The following DDX60 variants were observed in gnomAD, a reference collection of about 807,000 sequenced individuals.
DDX60 encodes the protein DExD/H-box helicase 60, also known as probable ATP-dependent RNA helicase DDX60.
A neutral mutation model predicts 212.8 loss-of-function variants in DDX60; 165 were observed. That is an observed-to-expected ratio of 0.78 (90% CI 0.68 to 0.88). The LOEUF is 0.88. Among genes scored for constraint, DDX60 ranks in the 40% least tolerant of loss-of-function variants. The probability of loss-of-function intolerance (pLI) is 0.00; values close to 1 mark genes in which losing one functional copy is unlikely to be tolerated. For synonymous variants in DDX60, 703 were observed against 685.3 expected (o/e 1.03, Z -0.40); for missense variants, 1,905 against 2,003.9 (o/e 0.95, Z 0.94).
Position 168,306,422 on chromosome 4 carries a change from T to A in DDX60, c.563A>T (p.Tyr188Phe). The A allele has an allele frequency of 6.2e-7, 1 of 1,613,984 alleles. No homozygotes were observed. The highest frequency in any genetic ancestry group is 1.1e-5 in the South Asian group (1 of 91,070). Residue 188 changes from tyrosine to phenylalanine, a missense_variant, in exon 5 of 38, where the codon TAC becomes TTC. Transcript: ENST00000393743. ...GTGTCTGTACATGCTTGGAAGAAGG[T>A]ATGCATAAAGGCAAAGAACATCAGA... ...QESDVLCLYA[Y>F]LLPSMYRHQI... is the part of the protein sequence containing the mutation.
chr4:168,306,771 ATTT>A (rs1363050894), intron 4 of DDX60, 51 bp from the exon 5 acceptor site: 1 of 1,376,508 alleles, frequency 7.3e-7, no homozygotes, highest in Non-Finnish European at 1.0e-6. Flanking sequence ...TCATTTAATC[ATTT>A]AGTTGGCTAA....
chr4:168,261,577 A>C (rs903152877), intron 24 of DDX60, among the ~76,000 whole-genome samples: 3 of 152,238 alleles, frequency 2.0e-5, no homozygotes, highest in Non-Finnish European at 4.4e-5. Context: ...GTAAAGTTTT[A>C]ATACACAAAT....
chr4:168,317,521 A>G (rs1737448905), intron 1 of DDX60, among the ~76,000 whole-genome samples: 1 of 152,080 alleles, frequency 6.6e-6, no homozygotes, highest in African/African-American at 2.4e-5. Context: ...TCTGTATTGG[A>G]ACAGAATGGT....
At chr4:168,285,073 C>G (rs2149529343) in intron 11 of DDX60, 138 bp from the exon 12 acceptor site, 1 of 562,186 alleles carries the variant, frequency 1.8e-6, no homozygotes, top group Non-Finnish European at 3.1e-6. Context: ...AGACTCCAAA[C>G]AGCAGTTTAT....
At chr4:168,222,248 C>G (rs896451714) in intron 35 of DDX60, among the ~76,000 whole-genome samples, 1 of 152,096 alleles carries the variant, frequency 6.6e-6, no homozygotes, top group Non-Finnish European at 1.5e-5. Context: ...TTATACATCA[C>G]AAGAAAGGAA....
intron 8 of DDX60, among the ~76,000 whole-genome samples, chr4:168,288,773 C>A (rs1459883591): frequency 6.6e-6 from 1 of 152,148 alleles, no homozygotes; most frequent in Admixed American, 6.5e-5. Flanking sequence ...CTTAAGATTC[C>A]CATCCACCTA....
chr4:168,249,096 T>C (rs1460302923), intron 28 of DDX60, among the ~76,000 whole-genome samples: 1 of 133,214 alleles, frequency 7.5e-6, no homozygotes, highest in Non-Finnish European at 1.7e-5. Flanking sequence ...AGAAAGAAAA[T>C]TTTTTATGAT....
At chr4:168,285,729 G>C (rs1035974605) in intron 10 of DDX60, among the ~76,000 whole-genome samples, 1 of 151,554 alleles carries the variant, frequency 6.6e-6, no homozygotes, top group African/African-American at 2.4e-5. Context: ...ATATGCATGG[G>C]GGATGGGTGG....
Position 168,306,650 on chromosome 4 carries a change from T to C in DDX60, c.335A>G (p.Gln112Arg), listed in dbSNP as rs779166072. 2 of 1,614,082 alleles carry C rather than the reference T, an allele frequency of 1.2e-6. No individual in the cohort carries two copies. The highest frequency in any genetic ancestry group is 2.2e-5 in the South Asian group (2 of 91,084). ...TCGAACATCAATGGTGGTATTCTTC[T>C]GAAGATGAAGAATTAAAGCAGTTCT... ...SLRTALILHL[Q>R]KNTTIDVRTT... Residue 112 changes from glutamine (Q) to arginine (R), a missense_variant, in exon 5 of 38, where the codon CAG becomes CGG. Physicochemically the swap from Gln to Arg is conservative, Grantham distance 43 (BLOSUM62 1). Coordinates refer to ENST00000393743, the MANE Select transcript of DDX60 (RefSeq NM_017631.6).
chr4:168,230,519 T>G (rs1420828312), intron 33 of DDX60, among the ~76,000 whole-genome samples: 2 of 152,040 alleles, frequency 1.3e-5, no homozygotes, highest in Non-Finnish European at 2.9e-5. Context: ...AAATTGGAAA[T>G]CAACTCCAAA....
intron 8 of DDX60, 110 bp downstream of exon 8, chr4:168,291,637 AG>A: frequency 3.2e-6 from 3 of 934,078 alleles, no homozygotes; most frequent in Non-Finnish European, 4.4e-6. Flanking sequence ...AAACTTTTAT[AG>A]CCCCCAAGGG....
intron 13 of DDX60, among the ~76,000 whole-genome samples, chr4:168,282,197 C>A (rs188553094): frequency 2.0e-3 from 311 of 152,228 alleles, no homozygotes; most frequent in Non-Finnish European, 3.6e-3. Context: ...GATGGGACAG[C>A]CCAACTGCTT....
chr4:168,259,779 T>C (rs1359440692), intron 25 of DDX60, among the ~76,000 whole-genome samples: 1 of 151,568 alleles, frequency 6.6e-6, no homozygotes, highest in East Asian at 1.9e-4. Flanking sequence ...TATTTGATAC[T>C]ATAATATATA....
chr4:168,268,830 T>C (rs779555769), intron 20 of DDX60, 24 bp downstream of exon 20: 1 of 1,306,366 alleles, frequency 7.7e-7, no homozygotes, highest in South Asian at 1.4e-5. Flanking sequence ...AAACACTCTG[T>C]CCAAATTGAA....
chr4:168,272,046 A>T lies in DDX60; in HGVS notation c.2667T>A (p.Asp889Glu). The change falls in exon 19 of 38, where the codon GAT becomes GAA. Residue 889 changes from aspartate to glutamate, a missense_variant. Transcript: ENST00000393743. ...WVKKIRYVIF[D>E]EVHCLGGEIG... ...AAAGAAAGAACACCAAACCTACCTCATCAAATATAACATATCTGATCTTTT... is the reference window on the plus strand; with the variant it reads ...AAAGAAAGAACACCAAACCTACCTCTTCAAATATAACATATCTGATCTTTT... 6.3e-7 allele frequency: 1 copy of T among 1,575,422 alleles called. No homozygotes were observed. The highest frequency in any genetic ancestry group is 8.6e-7 in the Non-Finnish European group (1 of 1,157,700).
intron 22 of DDX60, 75 bp downstream of exon 22, chr4:168,267,507 T>C (rs1432110383): frequency 1.7e-6 from 1 of 602,998 alleles, no homozygotes; most frequent in Non-Finnish European, 2.6e-6. Flanking sequence ...TACATATCAA[T>C]TAGGCAGCAT....
At chr4:168,260,843 C>G in intron 25 of DDX60, 22 bp downstream of exon 25, 2 of 1,590,660 alleles carry the variant, frequency 1.3e-6, no homozygotes, top group Non-Finnish European at 1.7e-6. Flanking sequence ...CAAGCAAAAC[C>G]AAATTAAATT....
intron 26 of DDX60, among the ~76,000 whole-genome samples, chr4:168,253,752 T>C (rs1734305809): frequency 6.6e-6 from 1 of 152,170 alleles, no homozygotes; most frequent in South Asian, 2.1e-4. Flanking sequence ...CTTCCACAGA[T>C]ATCCTCATCT....
chr4:168,323,497 T>C (rs183340724), upstream of DDX60, among the ~76,000 whole-genome samples: 1 of 152,292 alleles, frequency 6.6e-6, no homozygotes, highest in Non-Finnish European at 1.5e-5. Context: ...TTAAACTGAC[T>C]GGTACCGATA....
Sources: gnomAD v4.1 joint callset for allele counts (sites outside exome capture counted in the v4.1 genomes callset) on GRCh38, gnomAD v4.1.1 for gene constraint, MANE v1.5 for transcripts, NCBI Gene and HGNC (gene_info 2026-07-23, HGNC 2026-07-21) for gene names.